PTPRC: variants seen among roughly 807,000 people sequenced by gnomAD.
PTPRC encodes the protein receptor-type tyrosine-protein phosphatase C.
Under a neutral mutation model 155.9 loss-of-function variants are expected in PTPRC, and 44 were observed. The observed-to-expected ratio is 0.28, with a 90% CI of 0.22 to 0.36. The LOEUF is 0.36. Among genes scored for constraint, PTPRC ranks in the 10% least tolerant of loss-of-function variants. The pLI is 1.00. For missense variants in PTPRC, 1,401 were observed against 1,564.6 expected (o/e 0.90, Z 1.76); for synonymous variants, 525 against 533.1 (o/e 0.98, Z 0.21).
At chr1:198,749,328 T>C (rs1655275440) in intron 27 of PTPRC, 88 bp from the exon 28 acceptor site, 1 of 1,348,014 alleles carries the variant, frequency 7.4e-7, no homozygotes, top group Non-Finnish European at 1.0e-6. Flanking sequence ...AATCTGTCCC[T>C]TTTTAAATAC....
At chr1:198,684,221 T>A (rs1367692004) in intron 2 of PTPRC, among the ~76,000 whole-genome samples, 1 of 151,280 alleles carries the variant, frequency 6.6e-6, no homozygotes, top group Non-Finnish European at 1.5e-5. Context: ...TTGTCATTAA[T>A]TGTTTCGTTA....
chr1:198,653,901 A>G (rs1202032786), intron 2 of PTPRC, among the ~76,000 whole-genome samples: 1 of 151,902 alleles, frequency 6.6e-6, no homozygotes, highest in Non-Finnish European at 1.5e-5. Flanking sequence ...TATCAGAGGT[A>G]ACGCTTCTTA....
intron 2 of PTPRC, among the ~76,000 whole-genome samples, chr1:198,659,474 C>T (rs141912716): frequency 3.3e-5 from 5 of 151,936 alleles, no homozygotes; most frequent in African/African-American, 7.3e-5. Flanking sequence ...CACGATAGTT[C>T]GGACTGTCTG....
chr1:198,735,149 C>T lies in PTPRC; in HGVS notation c.2300C>T (p.Pro767Leu), dbSNP rs766855254. ...GNRNKCAEYW[P>L]SMEEGTRAFG... ...TAGAACAAGTGTGCAGAATACTGGCCGTCAATGGAAGAGGGCACTCGGGCT... is the reference window on the plus strand; with the variant it reads ...TAGAACAAGTGTGCAGAATACTGGCTGTCAATGGAAGAGGGCACTCGGGCT... The change falls in exon 23 of 33, where the codon CCG (proline) becomes CTG (leucine). Residue 767 changes from proline to leucine, a missense_variant. Around this residue, in one of 3 missense-constraint regions of PTPRC, gnomAD observed 867 missense variants for 970.4 expected, o/e 0.89. Coordinates refer to ENST00000442510, the MANE Select transcript of PTPRC (RefSeq NM_002838.5). 1.0e-5 allele frequency: 16 copies of T among 1,602,450 alleles called. No homozygotes were observed. The highest frequency in any genetic ancestry group is 1.7e-5 in the Admixed American group (1 of 59,532).
At chr1:198,685,438 A>G (rs16843692) in intron 2 of PTPRC, among the ~76,000 whole-genome samples, 2,539 of 152,034 alleles carry the variant, frequency 0.017, 67 homozygotes, top group African/African-American at 0.058. Flanking sequence ...ACATTTCAGT[A>G]AACTGTTGCC....
intron 23 of PTPRC, among the ~76,000 whole-genome samples, chr1:198,737,965 A>ATGTT (rs1162936337): frequency 6.6e-6 from 1 of 151,662 alleles, no homozygotes; most frequent in African/African-American, 2.4e-5. Context: ...AGATTGTTCA[A>ATGTT]TGTTAGCATA....
chr1:198,732,659 GC>G, intron 20 of PTPRC, 103 bp downstream of exon 20: 1 of 914,960 alleles, frequency 1.1e-6, no homozygotes, highest in Non-Finnish European at 1.7e-6. Flanking sequence ...TTTGAAGTGA[GC>G]CCATATGTCA....
chr1:198,709,963 C>A (rs1302221906), intron 11 of PTPRC, 139 bp downstream of exon 11: 7 of 1,215,672 alleles, frequency 5.8e-6, no homozygotes, highest in Non-Finnish European at 8.0e-6. Context: ...TTCAATGAAG[C>A]GCAATTTATC....
intron 23 of PTPRC, among the ~76,000 whole-genome samples, chr1:198,739,823 G>GTT (rs974028123): frequency 8.6e-5 from 13 of 151,528 alleles, no homozygotes; most frequent in Non-Finnish European, 1.8e-4. Flanking sequence ...CATACCTTAT[G>GTT]TTATGCTACA....
At chr1:198,643,204 T>C (rs1295208221) in intron 2 of PTPRC, among the ~76,000 whole-genome samples, 2 of 151,634 alleles carry the variant, frequency 1.3e-5, no homozygotes, top group Non-Finnish European at 2.9e-5. Context: ...GTGATGATGA[T>C]TGATGATGAT....
chr1:198,734,889 A>T (rs1654555787), intron 22 of PTPRC, among the ~76,000 whole-genome samples: 1 of 151,736 alleles, frequency 6.6e-6, no homozygotes, highest in Non-Finnish European at 1.5e-5. Context: ...CTTAACATGC[A>T]TCTAAGCCTG....
chr1:198,714,280 C>T (rs1032852586), intron 12 of PTPRC, among the ~76,000 whole-genome samples: 5 of 151,870 alleles, frequency 3.3e-5, no homozygotes, highest in Non-Finnish European at 7.4e-5. Flanking sequence ...AGAGTATTGT[C>T]GATGTCAGAG....
At chr1:198,736,288 T>G (rs1469997112) in intron 23 of PTPRC, among the ~76,000 whole-genome samples, 1 of 151,662 alleles carries the variant, frequency 6.6e-6, no homozygotes, top group Non-Finnish European at 1.5e-5. Context: ...TTATTCATTT[T>G]ATCTAATTAT....
chr1:198,750,990 T>A (rs1558039828), intron 29 of PTPRC, among the ~76,000 whole-genome samples: 1 of 151,994 alleles, frequency 6.6e-6, no homozygotes, highest in Non-Finnish European at 1.5e-5. Flanking sequence ...CCCCCTCATG[T>A]GTCTTTCATC....
chr1:198,733,207 TTC>T (rs1210530371), intron 20 of PTPRC, among the ~76,000 whole-genome samples: 1 of 151,538 alleles, frequency 6.6e-6, no homozygotes, highest in Non-Finnish European at 1.5e-5. Context: ...ACTGAAAAAA[TTC>T]TTTTTGTCTC....
intron 23 of PTPRC, among the ~76,000 whole-genome samples, chr1:198,739,359 A>G (rs1654792359): frequency 6.6e-6 from 1 of 151,842 alleles, no homozygotes; most frequent in Non-Finnish European, 1.5e-5. Context: ...AAAGACACAA[A>G]TAGACTTAAA....
chr1:198,719,529 A>G (rs1238010298), intron 14 of PTPRC, among the ~76,000 whole-genome samples: 1 of 152,016 alleles, frequency 6.6e-6, no homozygotes, highest in African/African-American at 2.4e-5. Context: ...AAATTTCCAT[A>G]GTTAATTTTT....
At chr1:198,752,905 T>C in intron 31 of PTPRC, 133 bp downstream of exon 31, 1 of 906,288 alleles carries the variant, frequency 1.1e-6, no homozygotes. Context: ...AGTCGGTCAC[T>C]CTCTTGGTTG....
At position 198,709,839 on chromosome 1, in the gene PTPRC, T is replaced by A. The variant is rs1332322143; in HGVS notation, c.1171+15T>A. 1 of 1,608,390 alleles carries A rather than the reference T, an allele frequency of 6.2e-7. No homozygotes were observed. The highest frequency in any genetic ancestry group is 8.5e-7 in the Non-Finnish European group (1 of 1,176,906). On this transcript the variant is annotated intron_variant, in intron 11 of 32. Transcript: ENST00000442510. Reference sequence around the variant, plus strand: ...AGATTTTGGGAGTGAGTATGTTACTTGCATTTATATGTAAAATTGCTTCTC... The same window carrying A: ...AGATTTTGGGAGTGAGTATGTTACTAGCATTTATATGTAAAATTGCTTCTC...
Sources: gnomAD v4.1 joint callset for allele counts (sites outside exome capture counted in the v4.1 genomes callset) on GRCh38, gnomAD v4.1.1 for gene constraint, gnomAD v4.1.1 regional missense constraint, MANE v1.5 for transcripts, NCBI Gene and HGNC (gene_info 2026-07-23, HGNC 2026-07-21) for gene names.